Variants in ZNF362 observed in about 807,000 individuals in gnomAD.
ZNF362 encodes the protein rotund homolog.
In ZNF362, 11 loss-of-function variants were observed where a neutral mutation model predicts 42.9. The observed-to-expected ratio is 0.26, with a 90% CI of 0.16 to 0.42. The LOEUF (loss-of-function observed/expected upper bound fraction) is 0.42. Ranked by LOEUF, ZNF362 falls within the 20% of genes least tolerant of loss-of-function variation. The pLI, the probability that ZNF362 is intolerant of heterozygous loss-of-function variation, is 1.00. For synonymous variants in ZNF362, 255 were observed against 257.3 expected, an observed-to-expected ratio of 0.99 and a Z score of 0.09; for missense variants, 362 against 576.2, an observed-to-expected ratio of 0.63 and a Z score of 3.81.
chr1:33,238,724 G>A, the ZNF362 span, among the ~76,000 whole-genome samples: 5 of 152,180 alleles, frequency 3.3e-5, no homozygotes, highest in African/African-American at 1.2e-4. Context: ...AGGTCATAAG[G>A]GTGGGGTCCT....
the ZNF362 span, chr1:33,145,802 T>C: frequency 2.1e-6 from 1 of 467,124 alleles, no homozygotes; most frequent in Non-Finnish European, 4.4e-6. Flanking sequence ...TCTTCACGAT[T>C]GGATGCTGTG....
chr1:33,208,122 G>C, the ZNF362 span, among the ~76,000 whole-genome samples: 1 of 152,130 alleles, frequency 6.6e-6, no homozygotes, highest in African/African-American at 2.4e-5. Flanking sequence ...AAAGTGTAAG[G>C]AAGGGATCCA....
chr1:33,146,774 TAA>T, the ZNF362 span: 1 of 258,466 alleles, frequency 3.9e-6, no homozygotes, highest in South Asian at 5.1e-5. Flanking sequence ...CCATGGGACA[TAA>T]GAGGGTGCTG....
At chr1:33,249,289 A>G in the ZNF362 span, among the ~76,000 whole-genome samples, 2 of 152,168 alleles carry the variant, frequency 1.3e-5, no homozygotes, top group African/African-American at 4.8e-5. Flanking sequence ...TGTGAACTCC[A>G]GGGGGCTTGT....
the ZNF362 span, among the ~76,000 whole-genome samples, chr1:33,186,703 G>A: frequency 1.1e-5 from 1 of 91,806 alleles, no homozygotes; most frequent in Admixed American, 1.2e-4. Context: ...CTACTTGTGA[G>A]GTTGAGGCAC....
the ZNF362 span, among the ~76,000 whole-genome samples, chr1:33,168,884 T>C: frequency 3.9e-5 from 6 of 152,202 alleles, no homozygotes; most frequent in African/African-American, 1.4e-4. Flanking sequence ...CAGGCAGCTC[T>C]TCAGGATTTC....
At chr1:33,238,004 T>C in the ZNF362 span, among the ~76,000 whole-genome samples, 1 of 152,138 alleles carries the variant, frequency 6.6e-6, no homozygotes, top group Non-Finnish European at 1.5e-5. Flanking sequence ...CTGAAAATAT[T>C]TACTATCTAG....
At chr1:33,193,000 CACACATATAT>C in the ZNF362 span, among the ~76,000 whole-genome samples, 1 of 21,676 alleles carries the variant, frequency 4.6e-5, no homozygotes, top group African/African-American at 7.3e-5. Context: ...CACACACACA[CACACATATAT>C]ATATATATAT....
In ZNF362 at chr1:33,295,315, G is replaced by T. The variant is rs752595699; in HGVS notation, c.1146+10G>T. The T allele has an allele frequency of 6.2e-7, 1 of 1,612,590 alleles. No individual in the cohort carries two copies. Among genetic ancestry groups the T allele is most frequent in the Non-Finnish European group, 8.5e-7 (1 of 1,179,350 alleles). On this transcript the variant is annotated intron_variant, in intron 8 of 8. Coordinates refer to ENST00000539719, the MANE Select transcript of ZNF362 (RefSeq NM_152493.3). ...GCGGGCCTACACCTCGGTGAGTGCC[G>T]GTCGGCCTGTGCCCTGCCCCGGGGG...
chr1:33,213,179 T>C, the ZNF362 span, among the ~76,000 whole-genome samples: 1 of 152,176 alleles, frequency 6.6e-6, no homozygotes, highest in African/African-American at 2.4e-5. Context: ...GGAGTCTCAC[T>C]CTGTTGCCCA....
rs376520140 is a variant in ZNF362 at position 33,281,982 on chromosome 1, C to T, written c.908+171C>T. 40 of 632,748 alleles carry T rather than the reference C, an allele frequency of 6.3e-5. No individual in the cohort carries two copies. The highest frequency in any genetic ancestry group is 9.7e-5 in the Non-Finnish European group (35 of 362,186). The allele number at this position is 632,748 out of a possible 1,614,324, so 39.2% of individuals were successfully genotyped here. ...CTCAGCTGTTGTTACTGCACCCCGT[C>T]CCCACTGTTTCTCATCTCTAGGTCT... On this transcript the variant is annotated intron_variant, in intron 6 of 8. Coordinates refer to ENST00000539719, the MANE Select transcript of ZNF362 (RefSeq NM_152493.3). The surrounding 1 kb of genome is among the most constrained non-coding windows in gnomAD (Gnocchi z 4.8).
chr1:33,200,971 C>T, the ZNF362 span, among the ~76,000 whole-genome samples: 3 of 152,206 alleles, frequency 2.0e-5, no homozygotes, highest in South Asian at 4.1e-4. Context: ...GGGAGAAGAC[C>T]GTCATCTACA....
the ZNF362 span, among the ~76,000 whole-genome samples, chr1:33,243,843 C>T: frequency 1.1e-4 from 17 of 150,172 alleles, no homozygotes; most frequent in Non-Finnish European, 1.9e-4. Flanking sequence ...CTCCTGACCT[C>T]GTGATCCGCC....
the ZNF362 span, among the ~76,000 whole-genome samples, chr1:33,229,112 G>T: frequency 6.6e-6 from 1 of 152,036 alleles, no homozygotes; most frequent in Non-Finnish European, 1.5e-5. Flanking sequence ...GAAGGTTGGG[G>T]GTGGGGGTGG....
At chr1:33,167,866 A>G in the ZNF362 span, among the ~76,000 whole-genome samples, 1 of 152,242 alleles carries the variant, frequency 6.6e-6, no homozygotes, top group African/African-American at 2.4e-5. The surrounding 1 kb of genome is among the most constrained non-coding windows in gnomAD (Gnocchi z 4.2). Context: ...ATTACTATCA[A>G]TTATTCATTT....
chr1:33,143,395 C>A, the ZNF362 span, among the ~76,000 whole-genome samples: 1 of 152,114 alleles, frequency 6.6e-6, no homozygotes, highest in Non-Finnish European at 1.5e-5. Context: ...AAAGACAGAT[C>A]CACTGAGCCA....
chr1:33,154,180 G>A, the ZNF362 span, among the ~76,000 whole-genome samples: 5 of 152,252 alleles, frequency 3.3e-5, no homozygotes, highest in Non-Finnish European at 7.3e-5. Flanking sequence ...CTAAAGATGG[G>A]CCGGGTGTGG....
chr1:33,276,450 T>C lies in ZNF362; in HGVS notation c.205T>C (p.Leu69=). ...PPTSASSQQP[L]LVPPAPAESS... is the part of the protein sequence containing the mutation. The stretch of plus-strand genomic sequence containing the variant: ...CACGTCGGCCTCGTCGCAGCAGCCG[T>C]TGCTAGTGCCGCCGGCACCCGCCGA... Residue 69 remains leucine, a synonymous_variant, in exon 4 of 9, where the codon TTG becomes CTG. Transcript: ENST00000539719. The C allele has an allele frequency of 6.4e-7, 1 of 1,573,894 alleles. No homozygotes were observed. The highest frequency in any genetic ancestry group is 1.3e-5 in the African/African-American group (1 of 74,158).
the ZNF362 span, among the ~76,000 whole-genome samples, chr1:33,233,937 T>A: frequency 6.6e-6 from 1 of 152,246 alleles, no homozygotes; most frequent in Non-Finnish European, 1.5e-5. Context: ...GTTTCCACCT[T>A]ACATGACTGT....
Sources: gnomAD v4.1 joint callset for allele counts (sites outside exome capture counted in the v4.1 genomes callset) on GRCh38, gnomAD v4.1.1 for gene constraint, Gnocchi (gnomAD v3.1) non-coding constraint, MANE v1.5 for transcripts, NCBI Gene and HGNC (gene_info 2026-07-23, HGNC 2026-07-21) for gene names.